Variants in PRCC observed in about 807,000 individuals in gnomAD.
The protein encoded by PRCC is proline rich mitotic checkpoint control factor.
A neutral mutation model predicts 44.0 loss-of-function variants in PRCC; 10 were observed. The observed-to-expected ratio is 0.23, with a 90% CI of 0.14 to 0.39. The LOEUF is 0.39. PRCC is among the 10% of genes least tolerant of loss of function. PRCC has a pLI of 1.00. For synonymous variants in PRCC, 278 were observed against 259.5 expected, an observed-to-expected ratio of 1.07 and a Z score of -0.69; for missense variants, 573 against 624.7, an observed-to-expected ratio of 0.92 and a Z score of 0.88.
Position 156,782,277 on chromosome 1 carries a change from C to G in PRCC, c.469-5C>G. On this transcript the variant is annotated splice_polypyrimidine_tract_variant and splice_region_variant and intron_variant, in intron 1 of 6. Coordinates refer to ENST00000271526, the MANE Select transcript of PRCC (RefSeq NM_005973.5). ...GAGGCCTTACTTCATTTCTTTTTCT[C>G]TTAGTCAGATTCTGAGGAAGATGAA... 6.2e-7 allele frequency: 1 copy of G among 1,602,674 alleles called. No individual in the cohort carries two copies. Among genetic ancestry groups the G allele is most frequent in the Non-Finnish European group, 8.5e-7 (1 of 1,170,142 alleles).
intron 6 of PRCC, among the ~76,000 whole-genome samples, chr1:156,797,998 C>T (rs1239410499): frequency 6.6e-6 from 1 of 151,994 alleles, no homozygotes; most frequent in African/African-American, 2.4e-5. Context: ...GGCTGGAGTG[C>T]AGTGGTACAA....
In PRCC at chr1:156,787,163, G is replaced by A; in HGVS notation, c.1072G>A (p.Ala358Thr). Reference protein sequence around the residue: ...STYGDANAAGAYYQDYYSGGY... With the variant: ...STYGDANAAGTYYQDYYSGGY... ...ATATGGCGATGCCAATGCCGCTGGT[G>A]CTTATTATCAGGTGGGTAGGAGGCA... The change falls in exon 3 of 7, where the codon GCT (alanine) becomes ACT (threonine). Residue 358 changes from alanine (A) to threonine (T), a missense_variant. This residue lies in a region of PRCC where 141 missense variants were observed against 130.2 expected (regional missense o/e 1.08). Transcript: ENST00000271526. 2 of 1,602,358 alleles carry A rather than the reference G, an allele frequency of 1.2e-6. No homozygotes were observed. The highest frequency in any genetic ancestry group is 1.7e-6 in the Non-Finnish European group (2 of 1,171,078).
At chr1:156,788,615 C>T (rs1398379626) in intron 3 of PRCC, among the ~76,000 whole-genome samples, 8 of 151,792 alleles carry the variant, frequency 5.3e-5, no homozygotes, top group African/African-American at 7.3e-5. Context: ...CATTCCCATC[C>T]GCAGTGTATA....
In PRCC at chr1:156,774,262, G is replaced by A. The variant is rs531494442; in HGVS notation, c.468+6023G>A. Among the ~76,000 whole-genome samples, 262 of 130,424 alleles carry A rather than the reference G, an allele frequency of 2.0e-3. 1 individual carries two copies. Among genetic ancestry groups the A allele is most frequent in the African/African-American group, 7.1e-3 (243 of 34,038 alleles). The allele number at this position is 130,424 out of a possible 152,430, so 85.6% of individuals were successfully genotyped here. ...TCAATCTTGGCTCACTGCAACCTCC[G>A]CCTCCCGGGTTCAAGCAATTCTCCT... On this transcript the variant is annotated intron_variant, in intron 1 of 6. Transcript: ENST00000271526.
chr1:156,795,283 G>GTTTTTTTTTTTTTTTTTTT (rs1643580633), intron 5 of PRCC, among the ~76,000 whole-genome samples: 1 of 36,154 alleles, frequency 2.8e-5, no homozygotes, highest in Admixed American at 4.2e-4. Flanking sequence ...TCATTTTCTG[G>GTTTTTTTTTTTTTTTTTTT]TGTTTTTTTT....
chr1:156,785,745 C>T lies in PRCC; in HGVS notation c.517-863C>T, dbSNP rs150156863. 1.9e-3 allele frequency among the ~76,000 whole-genome samples: 291 copies of T among 152,040 alleles called. 1 individual carries two copies. The highest frequency in any genetic ancestry group is 3.6e-3 in the Non-Finnish European group (247 of 67,988). ...TGAACGTGCTGGGCCTCCACTCTTT[C>T]CTAGGCGTCATTAGCGCTGCTGAGG... On this transcript the variant is annotated intron_variant, in intron 2 of 6. Transcript: ENST00000271526.
chr1:156,800,303 C>A (rs904276386), intron 6 of PRCC, 71 bp from the exon 7 acceptor site: 7 of 1,429,304 alleles, frequency 4.9e-6, no homozygotes, highest in Non-Finnish European at 6.9e-6. Flanking sequence ...TTGGGAAGCT[C>A]ACAGAGGCAA....
Position 156,767,697 on chromosome 1 carries a change from A to C in PRCC, c.-75A>C. 3.5e-6 allele frequency: 5 copies of C among 1,443,406 alleles called. No homozygotes were observed. Among genetic ancestry groups the C allele is most frequent in the Non-Finnish European group, 4.6e-6 (5 of 1,082,610 alleles). 89.4% of individuals were successfully genotyped at this position (1,443,406 alleles called of 1,614,324 possible). A position where few individuals can be genotyped will look rare whatever the true frequency, so the allele number is the denominator to read the frequency against. ...CCCGCCCCGCCAGGTGGCGGGGCCT[A>C]CTAGGCCTCCGGGCATCCCCGGTCT... On this transcript the variant is annotated 5_prime_UTR_variant, in exon 1 of 7. Coordinates refer to ENST00000271526, the MANE Select transcript of PRCC (RefSeq NM_005973.5).
At chr1:156,781,118 GCA>G (rs1652034911) in intron 1 of PRCC, among the ~76,000 whole-genome samples, 1 of 152,066 alleles carries the variant, frequency 6.6e-6, no homozygotes, top group African/African-American at 2.4e-5. Flanking sequence ...TCATATCATG[GCA>G]CACACACGGA....
chr1:156,773,036 G>C (rs1449458725), intron 1 of PRCC, among the ~76,000 whole-genome samples: 1 of 152,130 alleles, frequency 6.6e-6, no homozygotes, highest in African/African-American at 2.4e-5. Context: ...CAAATGAGGA[G>C]TGCAAAAATG....
chr1:156,783,462 G>C (rs1484693728), intron 2 of PRCC, among the ~76,000 whole-genome samples: 1 of 152,186 alleles, frequency 6.6e-6, no homozygotes, highest in East Asian at 1.9e-4. Context: ...TAAAGTGGCT[G>C]TCTTGCCTGG....
chr1:156,768,118 G>C lies in PRCC; in HGVS notation c.347G>C (p.Arg116Pro). 6.3e-7 allele frequency: 1 copy of C among 1,576,444 alleles called. No homozygotes were observed. The highest frequency in any genetic ancestry group is 8.6e-7 in the Non-Finnish European group (1 of 1,160,770). The change falls in exon 1 of 7, where the codon CGA (arginine) becomes CCA (proline). Residue 116 changes from arginine (R) to proline (P), a missense_variant. Transcript: ENST00000271526. ...CTGGGATTGGGGTTGCCCTCGCCCC[G>C]AGGCCCTGGCCTCAATCTGCCCCCT... is the stretch of plus-strand genomic sequence containing the variant. ...EGLGLGLPSP[R>P]GPGLNLPPPI...
chr1:156,789,329 A>G (rs768266672), intron 3 of PRCC, among the ~76,000 whole-genome samples: 1 of 152,242 alleles, frequency 6.6e-6, no homozygotes, highest in Admixed American at 6.5e-5. Context: ...TTCCTAGACC[A>G]GTGTCCTGGA....
chr1:156,782,413 A>T, intron 2 of PRCC, 84 bp downstream of exon 2: 1 of 1,320,338 alleles, frequency 7.6e-7, no homozygotes. Context: ...AGCAGTTTTC[A>T]GATTAGGCTT....
At chr1:156,800,007 G>T (rs1296921368) in intron 6 of PRCC, among the ~76,000 whole-genome samples, 1 of 152,180 alleles carries the variant, frequency 6.6e-6, no homozygotes, top group African/African-American at 2.4e-5. Context: ...TGCCGGCTGG[G>T]TGTCTAAGAG....
intron 1 of PRCC, among the ~76,000 whole-genome samples, chr1:156,771,287 T>TA (rs764912878): frequency 6.6e-6 from 1 of 152,118 alleles, no homozygotes; most frequent in Non-Finnish European, 1.5e-5. Context: ...TCAGGCCAGA[T>TA]AATGGGCCTT....
chr1:156,779,128 A>ATATATATATTT (rs1651947127), intron 1 of PRCC, among the ~76,000 whole-genome samples: 2 of 35,882 alleles, frequency 5.6e-5, no homozygotes, highest in Non-Finnish European at 4.5e-5. Context: ...ATATATATAT[A>ATATATATATTT]TTTTTTTTTT....
At chr1:156,792,053 CTTTTTTTTT>C (rs67388360) in intron 4 of PRCC, among the ~76,000 whole-genome samples, 3 of 58,410 alleles carry the variant, frequency 5.1e-5, no homozygotes, top group South Asian at 1.0e-3. Flanking sequence ...TAGTCCCCTT[CTTTTTTTTT>C]TTTTTTTTTT....
chr1:156,775,837 G>A (rs745787687), intron 1 of PRCC, among the ~76,000 whole-genome samples: 15 of 151,964 alleles, frequency 9.9e-5, no homozygotes, highest in Non-Finnish European at 1.6e-4. Context: ...GTAGAGATGA[G>A]GTCTCTCTAC....
Sources: gnomAD v4.1 joint callset for allele counts (sites outside exome capture counted in the v4.1 genomes callset) on GRCh38, gnomAD v4.1.1 for gene constraint, gnomAD v4.1.1 regional missense constraint, MANE v1.5 for transcripts, NCBI Gene and HGNC (gene_info 2026-07-23, HGNC 2026-07-21) for gene names.